The following EPHA6 variants were observed in gnomAD, a reference collection of about 807,000 sequenced individuals.
EPHA6 encodes EPH receptor A6.
A neutral mutation model predicts 112.0 loss-of-function variants in EPHA6; 50 were observed. That is an observed-to-expected ratio of 0.45 (90% CI 0.36 to 0.56). The LOEUF (loss-of-function observed/expected upper bound fraction) is 0.56, where lower values mean the gene tolerates loss of function less well. Ranked by LOEUF, EPHA6 falls within the 20% of genes least tolerant of loss-of-function variation. EPHA6 has a pLI of 0.00. For synonymous variants in EPHA6, 529 were observed against 490.7 expected (o/e 1.08, Z -1.03); for missense variants, 1,280 against 1,417.4 (o/e 0.90, Z 1.56).
intron 9 of EPHA6, chr3:97,481,649 C>A (rs948739618): frequency 2.6e-5 from 11 of 427,760 alleles, no homozygotes; most frequent in Admixed American, 1.7e-4. Flanking sequence ...GGAGACGCCC[C>A]GCCCCCTGCC....
At chr3:97,485,145 A>T (rs1015828638) in intron 10 of EPHA6, among the ~76,000 whole-genome samples, 1 of 152,194 alleles carries the variant, frequency 6.6e-6, no homozygotes, top group Non-Finnish European at 1.5e-5. Context: ...AGCAGAACAG[A>T]TGCAAGCATG....
chr3:97,241,717 T>C (rs1022009672), intron 4 of EPHA6, among the ~76,000 whole-genome samples: 3 of 150,764 alleles, frequency 2.0e-5, no homozygotes, highest in Non-Finnish European at 3.0e-5. Flanking sequence ...TGCAAATTGG[T>C]ATGAGGGCCC....
In EPHA6 at chr3:97,518,541, T is replaced by G. The variant is rs908068982; in HGVS notation, c.2201-13817T>G. On this transcript the variant is annotated intron_variant, in intron 10 of 17. Coordinates refer to ENST00000389672, the MANE Select transcript of EPHA6 (RefSeq NM_001080448.3). The stretch of plus-strand genomic sequence containing the variant: ...TTGTTTGTTTGCCTTTTTTTTTCTT[T>G]TTGAGAGATCCTCCATACTGTTTTC... Among the ~76,000 whole-genome samples, 37 of 152,124 alleles carry G rather than the reference T, an allele frequency of 2.4e-4. 1 individual carries two copies. In the South Asian group the frequency reaches 7.0e-3, roughly 29 times the overall value.
intron 11 of EPHA6, among the ~76,000 whole-genome samples, chr3:97,550,635 C>T (rs74456483): frequency 2.6e-5 from 4 of 152,220 alleles, no homozygotes; most frequent in African/African-American, 9.6e-5. Context: ...CATCGAGAGC[C>T]TTGCTTGGGC....
chr3:96,966,747 G>T (rs1041148961), intron 2 of EPHA6, among the ~76,000 whole-genome samples: 4 of 151,968 alleles, frequency 2.6e-5, no homozygotes, highest in African/African-American at 9.7e-5. Context: ...ATATTTTTAT[G>T]CTCACACAAG....
rs776841273 is a variant in EPHA6, at chr3:97,750,749, A to G, written c.*2048A>G. Among the ~76,000 whole-genome samples, 8 of 152,002 alleles carry G rather than the reference A, an allele frequency of 5.3e-5. No individual in the cohort carries two copies. Among genetic ancestry groups the G allele is most frequent in the Non-Finnish European group, 1.0e-4 (7 of 68,000 alleles). On this transcript the variant is annotated 3_prime_UTR_variant, in exon 18 of 18. Coordinates refer to ENST00000389672, the MANE Select transcript of EPHA6 (RefSeq NM_001080448.3). ...CTGACTTGTCTCCTGATTTTTCCCT[A>G]CCACAGCTTAATCCTTCTCATTTCA...
At chr3:97,723,784 A>T (rs1030229962) in intron 15 of EPHA6, among the ~76,000 whole-genome samples, 1 of 152,160 alleles carries the variant, frequency 6.6e-6, no homozygotes, top group African/African-American at 2.4e-5. Context: ...TCTTTTATGT[A>T]TCTTGTGAAT....
chr3:97,336,785 T>C (rs920711727), intron 5 of EPHA6, among the ~76,000 whole-genome samples: 1 of 152,060 alleles, frequency 6.6e-6, no homozygotes, highest in African/African-American at 2.4e-5. Context: ...ATGAGCTACA[T>C]GGAATATTTA....
intron 14 of EPHA6, among the ~76,000 whole-genome samples, chr3:97,699,601 G>A (rs112476646): frequency 2.0e-5 from 3 of 152,160 alleles, no homozygotes; most frequent in African/African-American, 7.2e-5. Flanking sequence ...TTACTGCACC[G>A]TGTGGTGGGT....
At chr3:97,018,408 A>C (rs1416163257) in intron 3 of EPHA6, among the ~76,000 whole-genome samples, 1 of 152,032 alleles carries the variant, frequency 6.6e-6, no homozygotes, top group East Asian at 2.0e-4. Flanking sequence ...AGTGGCCCCA[A>C]ATGCCAGGCT....
At chr3:97,611,874 A>C (rs1187020765) in intron 13 of EPHA6, among the ~76,000 whole-genome samples, 1 of 151,536 alleles carries the variant, frequency 6.6e-6, no homozygotes, top group African/African-American at 2.4e-5. Flanking sequence ...TCTCATTTTC[A>C]TTTATTTTTC....
intron 2 of EPHA6, among the ~76,000 whole-genome samples, chr3:96,938,785 C>T (rs549800479): frequency 1.4e-4 from 22 of 152,158 alleles, no homozygotes; most frequent in African/African-American, 5.1e-4. Context: ...TACGTCCCAT[C>T]AATACCTAAT....
chr3:96,910,817 T>C (rs72916419), intron 2 of EPHA6, among the ~76,000 whole-genome samples: 2,052 of 152,194 alleles, frequency 0.013, 49 homozygotes, highest in African/African-American at 0.045. Flanking sequence ...TAGTTAGTTG[T>C]ATGTTTCCCC....
chr3:97,483,370 A>C (rs946794018), intron 9 of EPHA6, among the ~76,000 whole-genome samples: 64 of 152,322 alleles, frequency 4.2e-4, no homozygotes, highest in African/African-American at 1.5e-3. Context: ...ATATGCAGTC[A>C]GTCCATGGAA....
At chr3:97,338,065 A>T (rs1295732004) in intron 5 of EPHA6, among the ~76,000 whole-genome samples, 1 of 151,988 alleles carries the variant, frequency 6.6e-6, no homozygotes, top group Non-Finnish European at 1.5e-5. Flanking sequence ...AGTATGAAGA[A>T]CTTTCAGATA....
In EPHA6 at chr3:97,484,080, T is replaced by G; in HGVS notation, c.2200+21T>G. ...GGCAGGTAAATGTCAAATCTACACT[T>G]TTGAACAAAACATTCCTTAATTTCT... is the stretch of plus-strand genomic sequence containing the variant. On this transcript the variant is annotated intron_variant, in intron 10 of 17. Transcript: ENST00000389672. 1.9e-6 allele frequency: 3 copies of G among 1,586,718 alleles called. No individual in the cohort carries two copies. The South Asian group carries it at 3.5e-5, about 19-fold the overall frequency.
At chr3:97,006,820 G>A (rs2043898153) in intron 3 of EPHA6, among the ~76,000 whole-genome samples, 1 of 152,088 alleles carries the variant, frequency 6.6e-6, no homozygotes, top group Non-Finnish European at 1.5e-5. Flanking sequence ...TGTTCTCATT[G>A]ATTTCAAAGA....
intron 3 of EPHA6, among the ~76,000 whole-genome samples, chr3:97,185,698 C>A (rs971228510): frequency 6.6e-6 from 1 of 152,030 alleles, no homozygotes; most frequent in South Asian, 2.1e-4. Flanking sequence ...TTTGACCCAG[C>A]CATCCCATTA....
chr3:97,314,549 TAAAAGCTG>T (rs1381344338), intron 5 of EPHA6, among the ~76,000 whole-genome samples: 1 of 151,660 alleles, frequency 6.6e-6, no homozygotes, highest in Non-Finnish European at 1.5e-5. Flanking sequence ...TTAGGGTATC[TAAAAGCTG>T]AATAGCTGAA....
Sources: allele counts gnomAD v4.1 joint callset (sites outside exome capture counted in the v4.1 genomes callset), GRCh38; gene constraint gnomAD v4.1.1; transcripts MANE v1.5; gene names NCBI Gene and HGNC (gene_info 2026-07-23, HGNC 2026-07-21).